The following ZNF791 variants were observed in gnomAD, a reference collection of about 807,000 sequenced individuals.
ZNF791 encodes zinc finger protein 791.
Under a neutral mutation model 11.5 loss-of-function variants are expected in ZNF791, and 4 were observed. The observed-to-expected ratio is 0.35, with a 90% CI of 0.17 to 0.80. The LOEUF (loss-of-function observed/expected upper bound fraction) is 0.80, where lower values mean the gene tolerates loss of function less well. Ranked by LOEUF, ZNF791 falls within the 30% of genes least tolerant of loss-of-function variation. The pLI is 0.53. For missense variants in ZNF791, 559 were observed against 699.4 expected, an observed-to-expected ratio of 0.80 and a Z score of 2.26; for synonymous variants, 212 against 228.1, an observed-to-expected ratio of 0.93 and a Z score of 0.64.
rs2023147780 is a variant in ZNF791, at chr19:12,611,055, A to G, written c.-25A>G. ...TGGCTCCGTGAACCTTAGGGACAAC[A>G]CCGGGACACCCGCGAGGCCGGAAAA... On this transcript the variant is annotated 5_prime_UTR_variant, in exon 1 of 4. Transcript: ENST00000343325. The G allele has an allele frequency of 1.9e-6, 3 of 1,614,084 alleles. No individual in the cohort carries two copies. The highest frequency in any genetic ancestry group is 2.7e-5 in the African/African-American group (2 of 75,026).
At chr19:12,612,125 C>T (rs1288522362) in intron 1 of ZNF791, 4 of 882,226 alleles carry the variant, frequency 4.5e-6, no homozygotes, top group South Asian at 1.1e-4. Context: ...AAACTTGCAA[C>T]ATCTAGAAGC....
chr19:12,612,206 C>CT (rs766573356), intron 1 of ZNF791: 42,256 of 612,880 alleles, frequency 0.069, 2 homozygotes, highest in Non-Finnish European at 0.078. Context: ...TTATTATTTT[C>CT]TTTTTTTTTT....
rs764588651 is a variant in ZNF791 at position 12,628,975 on chromosome 19, C to A, written c.1446C>A (p.Tyr482Ter). ...QCGKAFSCSSYIRIHKRTHTG... is the reference protein window; with the variant it reads ...QCGKAFSCSS ...GAAAAGCCTTTAGTTGTTCTAGTTA[C>A]ATTCGGATACATAAAAGAACTCACA... The change falls in exon 4 of 4, where the codon TAC (tyrosine) becomes TAA (stop). Residue 482 changes from tyrosine (Y) to a stop codon, truncating the protein, a stop_gained. Coordinates refer to ENST00000343325, the MANE Select transcript of ZNF791 (RefSeq NM_153358.3). LOFTEE classifies it low-confidence loss of function (END_TRUNC). 1 of 1,614,010 alleles carries A rather than the reference C, an allele frequency of 6.2e-7. No homozygotes were observed. The highest frequency in any genetic ancestry group is 1.1e-5 in the South Asian group (1 of 91,038).
Position 12,614,882 on chromosome 19 carries a change from T to G in ZNF791, c.3+3800T>G, listed in dbSNP as rs572729642. Among the ~76,000 whole-genome samples, 12 of 131,642 alleles carry G rather than the reference T, an allele frequency of 9.1e-5. No homozygotes were observed. The South Asian group carries it at 3.1e-3, about 34-fold the overall frequency. 86.4% of individuals were successfully genotyped at this position (131,642 alleles called of 152,430 possible). On this transcript the variant is annotated intron_variant, in intron 1 of 3. Coordinates refer to ENST00000343325, the MANE Select transcript of ZNF791 (RefSeq NM_153358.3). ...GGCTGGGATTACAGGTGTGAGCCAC[T>G]GCGTCCGGCCTTTTTTTTTTTTTTT...
In ZNF791 at chr19:12,627,908, C is replaced by G; in HGVS notation, c.379C>G (p.Leu127Val). Reference sequence around the variant, plus strand: ...CATGAGGTCTCACACTGGATACGAGCTATTTGAGAAGCCATATAAATGTAA... The same window carrying G: ...CATGAGGTCTCACACTGGATACGAGGTATTTGAGAAGCCATATAAATGTAA... ...RHMRSHTGYE[L>V]FEKPYKCKEC... Residue 127 changes from leucine (L) to valine (V), a missense_variant, in exon 4 of 4, where the codon CTA (leucine) becomes GTA (valine). Physicochemically the swap from Leu to Val is conservative, Grantham distance 32. Transcript: ENST00000343325. 1 of 1,614,112 alleles carries G rather than the reference C, an allele frequency of 6.2e-7. No homozygotes were observed. Among genetic ancestry groups the G allele is most frequent in the Non-Finnish European group, 8.5e-7 (1 of 1,180,022 alleles).
chr19:12,626,144 G>C (rs1041076605), intron 3 of ZNF791, among the ~76,000 whole-genome samples: 5 of 152,210 alleles, frequency 3.3e-5, no homozygotes, highest in Non-Finnish European at 5.9e-5. Flanking sequence ...CGCCTCCCAG[G>C]TAGCTGGGAT....
chr19:12,618,807 CAGTGTGTGTGTG>C (rs948852928), intron 1 of ZNF791, among the ~76,000 whole-genome samples: 2 of 79,224 alleles, frequency 2.5e-5, no homozygotes, highest in Non-Finnish European at 5.2e-5. Flanking sequence ...GTTTACCTCT[CAGTGTGTGTGTG>C]TGTGTGTGTG....
rs57575424 is a variant in ZNF791 at position 12,614,892 on chromosome 19, C to CTTTTTTTTTTTTTTTTTTTTTTTTTTTT, written c.3+3818_3+3845dup. Among the ~76,000 whole-genome samples, 3 of 17,564 alleles carry CTTTTTTTTTTTTTTTTTTTTTTTTTTTT rather than the reference C, an allele frequency of 1.7e-4. 1 individual carries two copies. Among genetic ancestry groups the CTTTTTTTTTTTTTTTTTTTTTTTTTTTT allele is most frequent in the Admixed American group, 2.4e-3 (2 of 826 alleles). The allele number at this position is 17,564 out of a possible 152,430, so 11.5% of individuals were successfully genotyped here. ...ACAGGTGTGAGCCACTGCGTCCGGCCTTTTTTTTTTTTTTTTTTTTTTTTT... is the reference window on the plus strand; with the variant it reads ...ACAGGTGTGAGCCACTGCGTCCGGCCTTTTTTTTTTTTTTTTTTTTTTTTTTTTTTTTTTTTTTTTTTTTTTTTTTTTT... On this transcript the variant is annotated intron_variant, in intron 1 of 3. Transcript: ENST00000343325.
chr19:12,627,758 G>A lies in ZNF791; in HGVS notation c.229G>A (p.Gly77Ser). 3 of 1,613,992 alleles carry A rather than the reference G, an allele frequency of 1.9e-6. No homozygotes were observed. The highest frequency in any genetic ancestry group is 1.3e-5 in the African/African-American group (1 of 75,064). The part of the protein sequence containing the change: ...TGERLCEGKE[G>S]SQCAENFSPN... ...AGAGAGACTCTGTGAAGGTAAAGAAGGTAGTCAATGTGCAGAAAACTTCAG... is the reference window on the plus strand; with the variant it reads ...AGAGAGACTCTGTGAAGGTAAAGAAAGTAGTCAATGTGCAGAAAACTTCAG... Residue 77 changes from glycine (G) to serine (S), a missense_variant, in exon 4 of 4, where the codon GGT (glycine) becomes AGT (serine). Transcript: ENST00000343325.
chr19:12,613,522 A>G (rs1023310358), intron 1 of ZNF791, among the ~76,000 whole-genome samples: 1 of 152,128 alleles, frequency 6.6e-6, no homozygotes, highest in Non-Finnish European at 1.5e-5. Context: ...CGGAGCTTGC[A>G]GTGAGCCGAG....
At chr19:12,618,370 G>A (rs527557053) in intron 1 of ZNF791, among the ~76,000 whole-genome samples, 1 of 152,038 alleles carries the variant, frequency 6.6e-6, no homozygotes, top group Non-Finnish European at 1.5e-5. Context: ...AATTAGCCAG[G>A]CATGGTGATG....
chr19:12,614,593 CTT>C (rs369598648), intron 1 of ZNF791, among the ~76,000 whole-genome samples: 15 of 126,108 alleles, frequency 1.2e-4, no homozygotes, highest in East Asian at 2.4e-4. Flanking sequence ...ATATGTTTAA[CTT>C]TTTTTTTTTT....
At chr19:12,617,441 G>C (rs1360564824) in intron 1 of ZNF791, among the ~76,000 whole-genome samples, 1 of 151,960 alleles carries the variant, frequency 6.6e-6, no homozygotes, top group African/African-American at 2.4e-5. Flanking sequence ...AATTTTTCTT[G>C]AGATTTTTTT....
Position 12,627,742 on chromosome 19 carries a change from CTG to C in ZNF791, c.216_217del (p.Cys72Ter), listed in dbSNP as rs752369433. On this transcript the variant is annotated frameshift_variant, in exon 4 of 4. Coordinates refer to ENST00000343325, the MANE Select transcript of ZNF791 (RefSeq NM_153358.3). LOFTEE classifies it low-confidence loss of function (END_TRUNC). ...NLRSHTGERL[C>X]EGKEGSQCAE... ...ACAGAAGCCATACGGGAGAGAGACT[CTG>C]TGAAGGTAAAGAAGGTAGTCAATGT... 1 of 1,613,132 alleles carries C rather than the reference CTG, an allele frequency of 6.2e-7. No homozygotes were observed. Among genetic ancestry groups the C allele is most frequent in the South Asian group, 1.1e-5 (1 of 91,048 alleles).
intron 1 of ZNF791, among the ~76,000 whole-genome samples, chr19:12,621,772 G>T: frequency 9.0e-6 from 1 of 110,668 alleles, no homozygotes; most frequent in Admixed American, 8.8e-5. Context: ...GAGGTGGGGG[G>T]GGTCAGCCCC....
At chr19:12,623,428 T>G in intron 1 of ZNF791, 1 of 393,666 alleles carries the variant, frequency 2.5e-6, no homozygotes, top group Non-Finnish European at 4.5e-6. Flanking sequence ...GAAAAAAAAA[T>G]TGATCCTAAA....
Position 12,628,965 on chromosome 19 carries a change from G to C in ZNF791, c.1436G>C (p.Cys479Ser). The C allele has an allele frequency of 6.2e-7, 1 of 1,613,866 alleles. No homozygotes were observed. Among genetic ancestry groups the C allele is most frequent in the Non-Finnish European group, 8.5e-7 (1 of 1,179,934 alleles). ...ECKQCGKAFSCSSYIRIHKRT... is the reference protein window; with the variant it reads ...ECKQCGKAFSSSSYIRIHKRT... ...AAACAATGTGGAAAAGCCTTTAGTT[G>C]TTCTAGTTACATTCGGATACATAAA... Residue 479 changes from cysteine (C) to serine (S), a missense_variant, in exon 4 of 4, where the codon TGT becomes TCT. Physicochemically the swap from Cys to Ser is moderately radical, Grantham distance 112 (BLOSUM62 -1). Transcript: ENST00000343325.
intron 1 of ZNF791, among the ~76,000 whole-genome samples, chr19:12,620,300 C>A (rs372183413): frequency 6.6e-6 from 1 of 152,042 alleles, no homozygotes; most frequent in African/African-American, 2.4e-5. Flanking sequence ...CTCAGCCTCC[C>A]AAGTAGCTGA....
chr19:12,626,048 C>T (rs572604077), intron 3 of ZNF791, among the ~76,000 whole-genome samples: 4 of 152,122 alleles, frequency 2.6e-5, no homozygotes, highest in Admixed American at 2.0e-4. Context: ...GACGGAGTCT[C>T]GCTCTGTCAC....
Sources: gnomAD v4.1 joint callset for allele counts (sites outside exome capture counted in the v4.1 genomes callset) on GRCh38, gnomAD v4.1.1 for gene constraint, MANE v1.5 for transcripts, NCBI Gene and HGNC (gene_info 2026-07-23, HGNC 2026-07-21) for gene names.